GPC5: variants seen among roughly 807,000 people sequenced by gnomAD.
GPC5 encodes the protein glypican 5.
Under a neutral mutation model 53.9 loss-of-function variants are expected in GPC5, and 47 were observed. That is an observed-to-expected ratio of 0.87 (90% confidence interval 0.69 to 1.11). The LOEUF is 1.11. Among genes scored for constraint, GPC5 ranks in the 50% most tolerant of loss-of-function variants. GPC5 has a pLI of 0.00. For synonymous variants in GPC5, 286 were observed against 263.3 expected, an observed-to-expected ratio of 1.09 and a Z score of -0.84; for missense variants, 748 against 713.1, an observed-to-expected ratio of 1.05 and a Z score of -0.56.
chr13:91,817,317 C>A (rs2038415184), intron 5 of GPC5, among the ~76,000 whole-genome samples: 1 of 152,092 alleles, frequency 6.6e-6, no homozygotes, highest in Admixed American at 6.6e-5. Context: ...CAAAAAGGAA[C>A]AAATGTTACA....
rs1175120330 is a variant in GPC5, at chr13:92,064,756, C to CA, written c.1402-80062dup. Reference sequence around the variant, plus strand: ...TGGGCGACAGAGCGAGACTCCGTCTCAAAAAAAAAAAACAAAACAAAACTC... The same window carrying CA: ...TGGGCGACAGAGCGAGACTCCGTCTCAAAAAAAAAAAAACAAAACAAAACTC... On this transcript the variant is annotated intron_variant, in intron 6 of 7. Transcript: ENST00000377067. 7.1e-4 allele frequency among the ~76,000 whole-genome samples: 24 copies of CA among 33,618 alleles called. 3 individuals carry two copies. The highest frequency in any genetic ancestry group is 2.3e-3 in the African/African-American group (20 of 8,556). 22.1% of individuals were successfully genotyped at this position (33,618 alleles called of 152,430 possible).
At chr13:92,175,360 G>T (rs2042102270) in intron 7 of GPC5, among the ~76,000 whole-genome samples, 1 of 152,102 alleles carries the variant, frequency 6.6e-6, no homozygotes, top group South Asian at 2.1e-4. Flanking sequence ...AATAGGGCTT[G>T]ACACCTAATT....
Position 91,693,803 on chromosome 13 carries a change from C to T in GPC5, c.942C>T (p.His314=), listed in dbSNP as rs145800702. Reference sequence around the variant, plus strand: ...TGCATGGAACATACGACATTGGACACGTGCTGCTGAACTTTCACTTGCTTG... The same window carrying T: ...TGCATGGAACATACGACATTGGACATGTGCTGCTGAACTTTCACTTGCTTG... ...DAMHGTYDIG[H]VLLNFHLLVN... The change falls in exon 3 of 8, where the codon CAC becomes CAT. Residue 314 remains histidine, a synonymous_variant. Transcript: ENST00000377067. 33 of 1,613,718 alleles carry T rather than the reference C, an allele frequency of 2.0e-5. No individual in the cohort carries two copies. The highest frequency in any genetic ancestry group is 1.2e-4 in the African/African-American group (9 of 75,056).
chr13:91,830,121 C>A (rs1300373041), intron 5 of GPC5, among the ~76,000 whole-genome samples: 1 of 152,112 alleles, frequency 6.6e-6, no homozygotes, highest in East Asian at 1.9e-4. Context: ...AGTCTACAGA[C>A]CATAAAAGAC....
intron 7 of GPC5, among the ~76,000 whole-genome samples, chr13:92,499,679 G>T (rs1880110182): frequency 6.6e-6 from 1 of 152,120 alleles, no homozygotes; most frequent in African/African-American, 2.4e-5. Context: ...TTACAGTAAA[G>T]ATTTAAACTT....
intron 5 of GPC5, among the ~76,000 whole-genome samples, chr13:91,892,781 G>A (rs1056048056): frequency 6.6e-6 from 1 of 151,708 alleles, no homozygotes; most frequent in African/African-American, 2.4e-5. Context: ...TATCTTATTC[G>A]AAAGTGACCC....
chr13:92,844,093 A>C lies in GPC5; in HGVS notation c.1562-22189A>C, dbSNP rs144101339. The stretch of plus-strand genomic sequence containing the variant: ...GGGTGCCCAAGGATGATGGTGGGGA[A>C]AAGAAGCAGATTTGATTGATTTTGT... On this transcript the variant is annotated intron_variant, in intron 7 of 7. Coordinates refer to ENST00000377067, the MANE Select transcript of GPC5 (RefSeq NM_004466.6). 3.3e-3 allele frequency among the ~76,000 whole-genome samples: 503 copies of C among 151,994 alleles called. 2 individuals are homozygous for C. The highest frequency in any genetic ancestry group is 5.0e-3 in the Non-Finnish European group (343 of 67,962).
At chr13:92,112,131 T>C (rs1485620762) in intron 6 of GPC5, among the ~76,000 whole-genome samples, 1 of 152,132 alleles carries the variant, frequency 6.6e-6, no homozygotes, top group African/African-American at 2.4e-5. Context: ...AAGGTAACAA[T>C]TTTGTTGAAA....
In GPC5 at chr13:91,843,302, A is replaced by T. The variant is rs189853606; in HGVS notation, c.1281-64635A>T. Reference sequence around the variant, plus strand: ...ATGGAGATATAAACATGTATTACAGATTCATGAGGGAGGGAGAATATGTTG... The same window carrying T: ...ATGGAGATATAAACATGTATTACAGTTTCATGAGGGAGGGAGAATATGTTG... On this transcript the variant is annotated intron_variant, in intron 5 of 7. Coordinates refer to ENST00000377067, the MANE Select transcript of GPC5 (RefSeq NM_004466.6). Among the ~76,000 whole-genome samples, 675 of 152,334 alleles carry T rather than the reference A, an allele frequency of 4.4e-3. 4 individuals are homozygous for T. Among genetic ancestry groups the T allele is most frequent in the African/African-American group, 0.016 (652 of 41,576 alleles).
rs73609994 is a variant in GPC5 at position 91,653,697 on chromosome 13, C to T, written c.326-39490C>T. ...AGCTTCCCCCTCTTTCTCCCTTCCT[C>T]TTTGTCTAGTAGTTCCATCAGTTTC... is the stretch of plus-strand genomic sequence containing the variant. On this transcript the variant is annotated intron_variant, in intron 2 of 7. Coordinates refer to ENST00000377067, the MANE Select transcript of GPC5 (RefSeq NM_004466.6). 1.8e-3 allele frequency among the ~76,000 whole-genome samples: 281 copies of T among 152,208 alleles called. 1 individual carries two copies. Among genetic ancestry groups the T allele is most frequent in the African/African-American group, 6.6e-3 (274 of 41,544 alleles).
At chr13:91,564,091 A>G (rs1263322883) in intron 2 of GPC5, among the ~76,000 whole-genome samples, 2 of 152,210 alleles carry the variant, frequency 1.3e-5, no homozygotes, top group African/African-American at 4.8e-5. Flanking sequence ...TGTTGGATTC[A>G]AAAACCATTT....
At chr13:91,888,407 T>G (rs1217432725) in intron 5 of GPC5, among the ~76,000 whole-genome samples, 4 of 152,184 alleles carry the variant, frequency 2.6e-5, no homozygotes, top group African/African-American at 9.7e-5. Context: ...GAAGTGATCA[T>G]TTTTGTAAAT....
intron 2 of GPC5, among the ~76,000 whole-genome samples, chr13:91,647,419 C>T (rs1438073891): frequency 6.6e-6 from 1 of 152,210 alleles, no homozygotes; most frequent in Admixed American, 6.5e-5. Flanking sequence ...GATTTACATT[C>T]TATGTGTAGT....
intron 2 of GPC5, among the ~76,000 whole-genome samples, chr13:91,643,507 T>C (rs2034484151): frequency 6.6e-6 from 1 of 152,228 alleles, no homozygotes; most frequent in African/African-American, 2.4e-5. Context: ...TAATAATTTA[T>C]GTTGATAACA....
At chr13:91,885,645 T>C (rs1427472704) in intron 5 of GPC5, among the ~76,000 whole-genome samples, 1 of 152,190 alleles carries the variant, frequency 6.6e-6, no homozygotes, top group East Asian at 1.9e-4. Flanking sequence ...CTGATTCAAT[T>C]ACTGCTTGAA....
At chr13:91,882,668 G>GT (rs1161715664) in intron 5 of GPC5, among the ~76,000 whole-genome samples, 30 of 34,358 alleles carry the variant, frequency 8.7e-4, no homozygotes, top group Non-Finnish European at 1.3e-3. Flanking sequence ...TTTGTTTTTT[G>GT]GGTTTTTTTT....
intron 7 of GPC5, among the ~76,000 whole-genome samples, chr13:92,232,361 T>C (rs2042537313): frequency 6.6e-6 from 1 of 152,180 alleles, no homozygotes; most frequent in Admixed American, 6.5e-5. Flanking sequence ...AATTTTAGTT[T>C]ACAAACAGGC....
chr13:92,123,109 A>C (rs1050783299), intron 6 of GPC5, among the ~76,000 whole-genome samples: 2 of 152,134 alleles, frequency 1.3e-5, no homozygotes, highest in Non-Finnish European at 2.9e-5. Flanking sequence ...TCATGATAGA[A>C]GTTATTGACA....
intron 2 of GPC5, among the ~76,000 whole-genome samples, chr13:91,650,761 T>G (rs942510119): frequency 6.7e-6 from 1 of 149,666 alleles, no homozygotes; most frequent in African/African-American, 2.5e-5. Flanking sequence ...TTTTTTTTTT[T>G]TTTTTTTTTT....
Sources: allele counts gnomAD v4.1 joint callset (sites outside exome capture counted in the v4.1 genomes callset), GRCh38; gene constraint gnomAD v4.1.1; transcripts MANE v1.5; gene names NCBI Gene and HGNC (gene_info 2026-07-23, HGNC 2026-07-21).